EYS: variants seen among roughly 807,000 people sequenced by gnomAD.
The protein encoded by EYS is EGF-like photoreceptor maintenance factor.
Under a neutral mutation model 282.1 loss-of-function variants are expected in EYS, and 250 were observed. The observed-to-expected ratio is 0.89, with a 90% CI of 0.80 to 0.98. The LOEUF (loss-of-function observed/expected upper bound fraction) is 0.98. Among genes scored for constraint, EYS ranks in the 50% least tolerant of loss-of-function variants. The pLI is 0.00. For missense variants in EYS, 4,016 were observed against 3,709.0 expected (o/e 1.08, Z -2.15); for synonymous variants, 1,355 against 1,282.9 (o/e 1.06, Z -1.20).
chr6:65,156,109 G>T (rs1229247134), intron 12 of EYS, among the ~76,000 whole-genome samples: 2 of 151,240 alleles, frequency 1.3e-5, no homozygotes, highest in African/African-American at 2.4e-5. Flanking sequence ...AGAGATAATA[G>T]AAATAGTCAA....
At chr6:65,482,217 T>C (rs918166623) in intron 5 of EYS, among the ~76,000 whole-genome samples, 4 of 148,946 alleles carry the variant, frequency 2.7e-5, no homozygotes, top group African/African-American at 1.0e-4. Flanking sequence ...TAAGCTTATA[T>C]AAACACCTGC....
At chr6:64,794,947 A>C (rs1247577769) in intron 22 of EYS, among the ~76,000 whole-genome samples, 1 of 152,146 alleles carries the variant, frequency 6.6e-6, no homozygotes, top group Non-Finnish European at 1.5e-5. Context: ...AGAAATAGAC[A>C]TTACCAGCCA....
chr6:64,989,592 ATTATT>A, intron 14 of EYS, among the ~76,000 whole-genome samples: 1 of 141,434 alleles, frequency 7.1e-6, no homozygotes, highest in South Asian at 2.1e-4. Context: ...TAAAAATTAT[ATTATT>A]TAATTTAAAT....
At chr6:63,868,725 T>G (rs906689547) in intron 35 of EYS, among the ~76,000 whole-genome samples, 1 of 152,188 alleles carries the variant, frequency 6.6e-6, no homozygotes, top group Non-Finnish European at 1.5e-5. Flanking sequence ...GAACTTTCCA[T>G]CTTTTTCATG....
intron 11 of EYS, among the ~76,000 whole-genome samples, chr6:65,315,291 T>G (rs1297069108): frequency 1.3e-5 from 2 of 152,190 alleles, no homozygotes; most frequent in African/African-American, 4.8e-5. Context: ...TATCTTAATG[T>G]TTATTGAATA....
chr6:64,857,843 T>C (rs1766113200), intron 19 of EYS, among the ~76,000 whole-genome samples: 1 of 152,194 alleles, frequency 6.6e-6, no homozygotes, highest in Non-Finnish European at 1.5e-5. Context: ...AATTTGCATT[T>C]CCCTAGTTAT....
intron 28 of EYS, among the ~76,000 whole-genome samples, chr6:64,425,566 A>G (rs1239238007): frequency 6.6e-6 from 1 of 151,236 alleles, no homozygotes; most frequent in Non-Finnish European, 1.5e-5. Flanking sequence ...AGGCAGGAGA[A>G]TCGCTTGAAC....
intron 1 of EYS, among the ~76,000 whole-genome samples, chr6:65,694,043 G>T (rs190219741): frequency 1.3e-5 from 2 of 150,460 alleles, no homozygotes; most frequent in Non-Finnish European, 3.0e-5. Flanking sequence ...TAAAAAGACT[G>T]AAACTTTTGT....
chr6:63,731,026 A>T (rs1582150478), intron 41 of EYS, among the ~76,000 whole-genome samples: 1 of 152,152 alleles, frequency 6.6e-6, no homozygotes, highest in East Asian at 1.9e-4. Flanking sequence ...CTTCAAAAAA[A>T]ATTATTTTGT....
intron 35 of EYS, among the ~76,000 whole-genome samples, chr6:63,888,958 A>G (rs535402964): frequency 6.0e-4 from 91 of 152,346 alleles, no homozygotes; most frequent in Non-Finnish European, 1.0e-3. Context: ...GACCTGATGG[A>G]GCTGAAAAAC....
At chr6:64,555,578 C>A (rs2149808388) in intron 26 of EYS, among the ~76,000 whole-genome samples, 1 of 151,716 alleles carries the variant, frequency 6.6e-6, no homozygotes, top group African/African-American at 2.4e-5. Flanking sequence ...ATATTTCAAA[C>A]TACATCATGT....
intron 29 of EYS, among the ~76,000 whole-genome samples, chr6:64,314,064 C>T (rs1010045856): frequency 6.6e-6 from 1 of 151,994 alleles, no homozygotes; most frequent in Non-Finnish European, 1.5e-5. Flanking sequence ...TTAAAAGACA[C>T]AGACTGGCAA....
At chr6:64,232,165 C>T (rs905366569) in intron 30 of EYS, among the ~76,000 whole-genome samples, 21 of 152,200 alleles carry the variant, frequency 1.4e-4, no homozygotes, top group African/African-American at 4.8e-4. Flanking sequence ...TGGTGTTCAT[C>T]ACAGATTGTA....
chr6:64,349,147 A>G (rs1462871324), intron 29 of EYS, among the ~76,000 whole-genome samples: 1 of 151,472 alleles, frequency 6.6e-6, no homozygotes, highest in Non-Finnish European at 1.5e-5. Flanking sequence ...TTTTGGTATA[A>G]GAATAACTGC....
chr6:64,344,798 C>T (rs1045406758), intron 29 of EYS, among the ~76,000 whole-genome samples: 12 of 152,042 alleles, frequency 7.9e-5, no homozygotes, highest in African/African-American at 2.7e-4. Flanking sequence ...ATCTAGAAAA[C>T]CCCATGGTCT....
At chr6:65,263,708 TGTGTG>T (rs1767677954) in intron 12 of EYS, among the ~76,000 whole-genome samples, 3 of 143,432 alleles carry the variant, frequency 2.1e-5, no homozygotes, top group African/African-American at 8.4e-5. Context: ...CAAAGCTGTG[TGTGTG>T]TGTGTGTGTG....
At chr6:64,354,126 G>A (rs1484144758) in intron 29 of EYS, among the ~76,000 whole-genome samples, 1 of 151,452 alleles carries the variant, frequency 6.6e-6, no homozygotes, top group Non-Finnish European at 1.5e-5. Context: ...GTTTGTTTCT[G>A]AAAACAAAAA....
intron 33 of EYS, among the ~76,000 whole-genome samples, chr6:64,047,779 C>T (rs1262333357): frequency 1.3e-5 from 2 of 152,186 alleles, no homozygotes; most frequent in African/African-American, 2.4e-5. Flanking sequence ...GGACAAACTA[C>T]GTGTCCCTAC....
intron 36 of EYS, among the ~76,000 whole-genome samples, chr6:63,842,444 T>A (rs554862379): frequency 6.6e-6 from 1 of 152,346 alleles, no homozygotes; most frequent in East Asian, 1.9e-4. Flanking sequence ...TTCACCCACT[T>A]TTTGATGGGG....
Sources: gnomAD v4.1 joint callset for allele counts (sites outside exome capture counted in the v4.1 genomes callset) on GRCh38, gnomAD v4.1.1 for gene constraint, MANE v1.5 for transcripts, NCBI Gene and HGNC (gene_info 2026-07-23, HGNC 2026-07-21) for gene names.